Variants in MAPK10 observed in about 807,000 individuals in gnomAD.
The protein encoded by MAPK10 is JNK3 alpha protein kinase.
MAPK10 carries 25 observed loss-of-function variants against 59.3 expected under a neutral mutation model. That is an observed-to-expected ratio of 0.42 (90% CI 0.31 to 0.59). MAPK10 has a LOEUF of 0.59. MAPK10 is among the 20% of genes least tolerant of loss of function. The pLI is 0.15. For missense variants in MAPK10, 351 were observed against 568.9 expected (o/e 0.62, Z 3.90); for synonymous variants, 190 against 200.5 (o/e 0.95, Z 0.44).
At chr4:86,284,783 G>A (rs919400818) in intron 2 of MAPK10, among the ~76,000 whole-genome samples, 4 of 152,142 alleles carry the variant, frequency 2.6e-5, no homozygotes, top group Non-Finnish European at 5.9e-5. Flanking sequence ...CACTGTTCTG[G>A]TAAGAGTTGG....
intron 1 of MAPK10, among the ~76,000 whole-genome samples, chr4:86,422,883 G>C (rs569011854): frequency 6.6e-6 from 1 of 152,312 alleles, no homozygotes; most frequent in East Asian, 1.9e-4. Context: ...AACACATTAA[G>C]GAGAGCACAA....
chr4:86,504,121 T>C (rs1450526293), intron 1 of MAPK10, among the ~76,000 whole-genome samples: 3 of 152,136 alleles, frequency 2.0e-5, no homozygotes, highest in African/African-American at 4.8e-5. Flanking sequence ...AGAAATATCA[T>C]AGTTATTTGT....
chr4:86,143,023 G>A (rs1045781530), intron 4 of MAPK10, among the ~76,000 whole-genome samples: 3 of 152,144 alleles, frequency 2.0e-5, no homozygotes, highest in Admixed American at 6.6e-5. Flanking sequence ...AAAGGAAAGA[G>A]GTTTAATTGA....
At position 86,017,201 on chromosome 4, in the gene MAPK10, C is replaced by T. The variant is rs377311738; in HGVS notation, c.*27G>A. The T allele has an allele frequency of 2.0e-5, 32 of 1,610,358 alleles. No homozygotes were observed. The highest frequency in any genetic ancestry group is 3.7e-4 in the Middle Eastern group (2 of 5,390). ...TTCCATCACATCATCTCCTGAAGAA[C>T]GCTGGGTTTCGCAGGCAGGCGGCTA... On this transcript the variant is annotated 3_prime_UTR_variant, in exon 14 of 14. Transcript: ENST00000641462. This position sits in a 1 kb window ranked among gnomAD's most constrained non-coding sequence, Gnocchi z 4.4.
At chr4:86,183,046 T>G (rs1013717227) in intron 3 of MAPK10, among the ~76,000 whole-genome samples, 46 of 152,114 alleles carry the variant, frequency 3.0e-4, no homozygotes, top group African/African-American at 1.1e-3. Context: ...TGGCTGAAAT[T>G]TTTAGGCTAT....
intron 3 of MAPK10, among the ~76,000 whole-genome samples, chr4:86,170,714 C>T (rs973051658): frequency 6.6e-6 from 1 of 151,882 alleles, no homozygotes; most frequent in Admixed American, 6.6e-5. Flanking sequence ...CAGCTCTGCA[C>T]CAAGCGGACC....
intron 2 of MAPK10, among the ~76,000 whole-genome samples, chr4:86,297,340 C>T (rs1003067101): frequency 6.6e-6 from 1 of 152,094 alleles, no homozygotes; most frequent in African/African-American, 2.4e-5. Context: ...GACAGAGTCT[C>T]GTTCTGTTGC....
chr4:86,497,189 A>G (rs1051426859), intron 1 of MAPK10, among the ~76,000 whole-genome samples: 4 of 152,194 alleles, frequency 2.6e-5, no homozygotes, highest in African/African-American at 4.8e-5. Context: ...TCTAAAACTC[A>G]GGTACTTTAT....
intron 2 of MAPK10, among the ~76,000 whole-genome samples, chr4:86,262,975 G>A (rs1016685475): frequency 2.0e-5 from 3 of 152,184 alleles, no homozygotes; most frequent in Non-Finnish European, 4.4e-5. Flanking sequence ...TAAGTTATTG[G>A]ATGGACAGTA....
At chr4:86,255,334 G>A (rs932212482) in intron 2 of MAPK10, among the ~76,000 whole-genome samples, 11 of 152,160 alleles carry the variant, frequency 7.2e-5, no homozygotes, top group African/African-American at 1.7e-4. Flanking sequence ...GAGCATGAAC[G>A]GAATTTGATA....
At position 86,012,810 on chromosome 4, in the gene MAPK10, G is replaced by C. The variant is rs1041148578; in HGVS notation, c.*4418C>G. On this transcript the variant is annotated 3_prime_UTR_variant, in exon 14 of 14. Transcript: ENST00000641462. ...TGGACGTACATGGTTTTGCCTTCCA[G>C]GGTTGATCTAGAACTGTAAGGGTGC... 2.0e-5 allele frequency: 3 copies of C among 152,208 alleles called. No individual in the cohort carries two copies. Among genetic ancestry groups the C allele is most frequent in the African/African-American group, 7.2e-5 (3 of 41,446 alleles). The allele number at this position is 152,208 out of a possible 1,614,324, so 9.4% of individuals were successfully genotyped here.
chr4:86,403,780 G>GC (rs1055072788), intron 1 of MAPK10, among the ~76,000 whole-genome samples: 1 of 152,008 alleles, frequency 6.6e-6, no homozygotes, highest in African/African-American at 2.4e-5. Flanking sequence ...GGGGAAAACT[G>GC]CCCCCATGAT....
At chr4:86,249,645 C>G (rs2093314575) in intron 2 of MAPK10, among the ~76,000 whole-genome samples, 1 of 152,142 alleles carries the variant, frequency 6.6e-6, no homozygotes, top group Non-Finnish European at 1.5e-5. Flanking sequence ...CACATACAAT[C>G]TACAGTAATG....
intron 3 of MAPK10, among the ~76,000 whole-genome samples, chr4:86,172,494 T>C (rs2074497030): frequency 6.6e-6 from 1 of 151,026 alleles, no homozygotes. Context: ...AAACACCGCA[T>C]GTTCTCACTC....
intron 2 of MAPK10, among the ~76,000 whole-genome samples, chr4:86,329,912 T>C (rs1418564578): frequency 1.3e-5 from 2 of 152,222 alleles, no homozygotes; most frequent in Admixed American, 6.5e-5. Context: ...AAGCCACTAA[T>C]AGTTCAATCT....
chr4:86,508,760 C>T (rs1755986345), intron 1 of MAPK10, among the ~76,000 whole-genome samples: 1 of 152,180 alleles, frequency 6.6e-6, no homozygotes, highest in Non-Finnish European at 1.5e-5. Context: ...CTGGGATGGT[C>T]ACCATGATCT....
chr4:86,215,888 A>T (rs896405384), intron 2 of MAPK10, among the ~76,000 whole-genome samples: 2 of 152,192 alleles, frequency 1.3e-5, no homozygotes, highest in African/African-American at 2.4e-5. Context: ...CAAGTATTCA[A>T]GTTACCATCT....
rs988485891 is a variant in MAPK10, at chr4:86,288,818, T to C, written c.-7+65712A>G. Among the ~76,000 whole-genome samples, 42 of 151,938 alleles carry C rather than the reference T, an allele frequency of 2.8e-4. 1 individual carries two copies. The highest frequency in any genetic ancestry group is 7.4e-5 in the Non-Finnish European group (5 of 67,986). On this transcript the variant is annotated intron_variant, in intron 2 of 13. Transcript: ENST00000641462. Reference sequence around the variant, plus strand: ...GTTTTTAAATAGGAGGGTATGGAAATTCAAAAGAGAGATCTTGAATCATTC... The same window carrying C: ...GTTTTTAAATAGGAGGGTATGGAAACTCAAAAGAGAGATCTTGAATCATTC...
chr4:86,313,986 G>A (rs533487866), intron 2 of MAPK10, among the ~76,000 whole-genome samples: 1 of 150,688 alleles, frequency 6.6e-6, no homozygotes, highest in African/African-American at 2.4e-5. Flanking sequence ...TTCACACAAG[G>A]AATCCTACAA....
Sources: gnomAD v4.1 joint callset for allele counts (sites outside exome capture counted in the v4.1 genomes callset) on GRCh38, gnomAD v4.1.1 for gene constraint, Gnocchi (gnomAD v3.1) non-coding constraint, MANE v1.5 for transcripts, NCBI Gene and HGNC (gene_info 2026-07-23, HGNC 2026-07-21) for gene names.